Variants in FBXW7 observed in about 807,000 individuals in gnomAD.
FBXW7 encodes the protein F-box and WD repeat domain containing 7.
In FBXW7, 11 loss-of-function variants were observed where a neutral mutation model predicts 86.3. The ratio of observed to expected loss-of-function variants is 0.13; its 90% CI spans 0.08 to 0.21. The LOEUF (loss-of-function observed/expected upper bound fraction) is 0.21. Among genes scored for constraint, FBXW7 ranks in the 10% least tolerant of loss-of-function variants. The probability of loss-of-function intolerance (pLI) is 1.00; values close to 1 mark genes in which losing one functional copy is unlikely to be tolerated. For missense variants in FBXW7, 488 were observed against 847.4 expected (o/e 0.58, Z 5.27); for synonymous variants, 313 against 297.9 (o/e 1.05, Z -0.52).
chr4:152,346,749 CAT>C, intron 6 of FBXW7, 179 bp downstream of exon 6: 1 of 741,682 alleles, frequency 1.3e-6, no homozygotes, highest in Admixed American at 3.1e-5. Context: ...CTGGACATTT[CAT>C]ATAAAGAGAA....
intron 2 of FBXW7, among the ~76,000 whole-genome samples, chr4:152,467,047 A>G (rs1002627088): frequency 1.3e-5 from 2 of 152,182 alleles, no homozygotes; most frequent in African/African-American, 4.8e-5. Flanking sequence ...TTAGTCTAAA[A>G]AGCAATGGTT....
rs141303730 is a variant in FBXW7, at chr4:152,369,980, T to C, written c.502-19856A>G. 7.9e-3 allele frequency among the ~76,000 whole-genome samples: 1,203 copies of C among 152,076 alleles called. 10 individuals are homozygous for C. Among genetic ancestry groups the C allele is most frequent in the Non-Finnish European group, 0.013 (902 of 67,908 alleles). On this transcript the variant is annotated intron_variant, in intron 4 of 13. Coordinates refer to ENST00000281708, the MANE Select transcript of FBXW7 (RefSeq NM_001349798.2). The stretch of plus-strand genomic sequence containing the variant: ...AACCATCCTTTAAAAAAGCAAGATA[T>C]AGTTATGTTATCTTAGAGAAGAACA...
At chr4:152,399,908 T>C (rs1160895835) in intron 4 of FBXW7, among the ~76,000 whole-genome samples, 1 of 152,258 alleles carries the variant, frequency 6.6e-6, no homozygotes. Context: ...TTCAAAGCAA[T>C]ACCAATCAAA....
intron 6 of FBXW7, among the ~76,000 whole-genome samples, chr4:152,338,446 A>G (rs1014009107): frequency 6.6e-6 from 1 of 152,098 alleles, no homozygotes; most frequent in African/African-American, 2.4e-5. Flanking sequence ...CAAATTAAAC[A>G]GGCTTTGATT....
At chr4:152,456,222 C>G (rs1164940827) in intron 2 of FBXW7, among the ~76,000 whole-genome samples, 2 of 151,766 alleles carry the variant, frequency 1.3e-5, no homozygotes, top group East Asian at 3.9e-4. Flanking sequence ...ACAAACAATA[C>G]AATGAAAAAA....
chr4:152,368,162 T>A (rs1733669111), intron 4 of FBXW7, among the ~76,000 whole-genome samples: 1 of 152,076 alleles, frequency 6.6e-6, no homozygotes, highest in Non-Finnish European at 1.5e-5. Context: ...GCAAGAGAGC[T>A]TCTTATTCTT....
At chr4:152,403,906 A>G (rs1481493185) in intron 4 of FBXW7, among the ~76,000 whole-genome samples, 3 of 152,196 alleles carry the variant, frequency 2.0e-5, no homozygotes, top group Admixed American at 2.0e-4. Context: ...ATTCATGTTT[A>G]GAGAGAGCCA....
At chr4:152,335,901 AAGCCTCT>A (rs1271876153) in intron 7 of FBXW7, among the ~76,000 whole-genome samples, 1 of 152,226 alleles carries the variant, frequency 6.6e-6, no homozygotes, top group Non-Finnish European at 1.5e-5. Context: ...TATTCATCAC[AAGCCTCT>A]AGTGTGAAAT....
chr4:152,374,139 AAAAC>A (rs995454834), intron 4 of FBXW7, among the ~76,000 whole-genome samples: 19 of 152,072 alleles, frequency 1.2e-4, no homozygotes, highest in African/African-American at 3.4e-4. Flanking sequence ...TCCTCACTCA[AAAAC>A]AAACAAACAA....
At chr4:152,367,976 CT>C (rs917754321) in intron 4 of FBXW7, among the ~76,000 whole-genome samples, 18 of 151,026 alleles carry the variant, frequency 1.2e-4, no homozygotes, top group African/African-American at 3.4e-4. Context: ...CCATTTATTA[CT>C]TTTTTTTTGT....
intron 2 of FBXW7, among the ~76,000 whole-genome samples, chr4:152,526,656 CA>C (rs1749540452): frequency 6.6e-6 from 1 of 151,724 alleles, no homozygotes; most frequent in South Asian, 2.1e-4. Flanking sequence ...TTTTTATTTC[CA>C]GGGGTTAAAG....
At chr4:152,344,136 T>A (rs1304972782) in intron 6 of FBXW7, among the ~76,000 whole-genome samples, 1 of 152,168 alleles carries the variant, frequency 6.6e-6, no homozygotes, top group African/African-American at 2.4e-5. Flanking sequence ...CTCTCTCACA[T>A]AGGTCAACTC....
chr4:152,522,357 C>T (rs1417586323), intron 2 of FBXW7, among the ~76,000 whole-genome samples: 2 of 152,138 alleles, frequency 1.3e-5, no homozygotes, highest in African/African-American at 2.4e-5. Flanking sequence ...TTCCCTGTAA[C>T]CTTAAAAAGA....
At position 152,443,604 on chromosome 4, in the gene FBXW7, A is replaced by G. The variant is rs551874537; in HGVS notation, c.-119-31075T>C. ...GTCTTTTAAGAACCCAATTCTTTTTAAAAACTTTGAAAATTGATTTTTTTC... is the reference window on the plus strand; with the variant it reads ...GTCTTTTAAGAACCCAATTCTTTTTGAAAACTTTGAAAATTGATTTTTTTC... On this transcript the variant is annotated intron_variant, in intron 2 of 13. Coordinates refer to ENST00000281708, the MANE Select transcript of FBXW7 (RefSeq NM_001349798.2). Among the ~76,000 whole-genome samples the G allele has an allele frequency of 1.7e-4, 26 of 152,288 alleles. No individual in the cohort carries two copies. In the South Asian group the frequency reaches 5.4e-3, roughly 32 times the overall value.
intron 2 of FBXW7, among the ~76,000 whole-genome samples, chr4:152,515,910 T>G (rs929354144): frequency 2.0e-5 from 3 of 152,196 alleles, no homozygotes; most frequent in Non-Finnish European, 2.9e-5. Context: ...ACATAATAAC[T>G]TGGCCACATG....
chr4:152,384,026 C>T (rs1735315237), intron 4 of FBXW7, among the ~76,000 whole-genome samples: 1 of 152,136 alleles, frequency 6.6e-6, no homozygotes, highest in South Asian at 2.1e-4. Context: ...CAGTAAACAA[C>T]AAGCATGGGC....
intron 2 of FBXW7, among the ~76,000 whole-genome samples, chr4:152,459,091 G>A (rs368220965): frequency 1.3e-5 from 2 of 152,040 alleles, no homozygotes; most frequent in African/African-American, 4.8e-5. Context: ...GGAGAGGTGA[G>A]GAGCCCTGCC....
chr4:152,473,392 T>C (rs1343486252), intron 2 of FBXW7, among the ~76,000 whole-genome samples: 1 of 152,206 alleles, frequency 6.6e-6, no homozygotes, highest in Non-Finnish European at 1.5e-5. Flanking sequence ...AAGCCAGGCA[T>C]TCATAAAAAC....
intron 4 of FBXW7, among the ~76,000 whole-genome samples, chr4:152,399,552 A>T (rs1374453598): frequency 6.6e-6 from 1 of 152,108 alleles, no homozygotes; most frequent in Non-Finnish European, 1.5e-5. Flanking sequence ...ACATGACATG[A>T]CCCTCTACAT....
Sources: allele counts gnomAD v4.1 joint callset (sites outside exome capture counted in the v4.1 genomes callset), GRCh38; gene constraint gnomAD v4.1.1; transcripts MANE v1.5; gene names NCBI Gene and HGNC (gene_info 2026-07-23, HGNC 2026-07-21).